Variants in XYLT1 observed in about 807,000 individuals in gnomAD.
XYLT1 encodes xylosyltransferase 1.
In XYLT1, 36 loss-of-function variants were observed where a neutral mutation model predicts 91.3. That is an observed-to-expected ratio of 0.39 (90% CI 0.30 to 0.52). XYLT1 has a LOEUF of 0.52. Ranked by LOEUF, XYLT1 falls within the 20% of genes least tolerant of loss-of-function variation. The pLI is 0.68. For synonymous variants in XYLT1, 588 were observed against 532.0 expected, an observed-to-expected ratio of 1.11 and a Z score of -1.45; for missense variants, 1,242 against 1,284.5, an observed-to-expected ratio of 0.97 and a Z score of 0.51.
intron 3 of XYLT1, among the ~76,000 whole-genome samples, chr16:17,239,314 T>TCATC (rs10649071): frequency 0.41 from 52,657 of 128,630 alleles, 11,623 homozygotes; most frequent in South Asian, 0.46. Context: ...TCCAGTCCAT[T>TCATC]CATCCATCCA....
intron 11 of XYLT1, among the ~76,000 whole-genome samples, chr16:17,112,092 G>A (rs376741427): frequency 2.0e-5 from 3 of 152,128 alleles, no homozygotes; most frequent in Non-Finnish European, 2.9e-5. Context: ...ACAAACCTGC[G>A]AACGCTGGGA....
intron 8 of XYLT1, among the ~76,000 whole-genome samples, chr16:17,135,195 C>G (rs1269746863): frequency 2.0e-5 from 3 of 152,102 alleles, no homozygotes; most frequent in Non-Finnish European, 2.9e-5. Context: ...TCTGGCAACC[C>G]CAGGCCCACA....
intron 11 of XYLT1, among the ~76,000 whole-genome samples, chr16:17,113,482 C>T (rs1296041553): frequency 6.6e-6 from 1 of 152,184 alleles, no homozygotes. Flanking sequence ...GCTCAGAACT[C>T]CTGTAACCCT....
intron 1 of XYLT1, among the ~76,000 whole-genome samples, chr16:17,387,454 A>G (rs968338825): frequency 6.6e-6 from 1 of 152,198 alleles, no homozygotes; most frequent in African/African-American, 2.4e-5. Context: ...ACATCTGTGA[A>G]GCACTCCCAG....
At chr16:17,113,353 G>C (rs746452519) in intron 11 of XYLT1, among the ~76,000 whole-genome samples, 2 of 151,880 alleles carry the variant, frequency 1.3e-5, no homozygotes, top group Non-Finnish European at 2.9e-5. Context: ...ACATTGGCCA[G>C]GCTGGTCTTG....
chr16:17,127,883 C>T (rs780303114), intron 9 of XYLT1, 22 bp from the exon 10 acceptor site: 4 of 1,607,970 alleles, frequency 2.5e-6, no homozygotes. Flanking sequence ...GGCGCTCATG[C>T]ATTAGGGCCC....
At position 17,258,991 on chromosome 16, in the gene XYLT1, CGAGGGG is replaced by C; in HGVS notation, c.904_909del (p.Pro302_Leu303del). The C allele has an allele frequency of 6.7e-7, 1 of 1,497,924 alleles. No individual in the cohort carries two copies. Among genetic ancestry groups the C allele is most frequent in the South Asian group, 1.4e-5 (1 of 70,562 alleles). 92.8% of individuals were successfully genotyped at this position (1,497,924 alleles called of 1,614,324 possible). Reference sequence around the variant, plus strand: ...AGCCAGCGGGGTTGGAACTTACCCTCGAGGGGGCAGAACCGAGTCACCTTCTCAGGC... The same window carrying C: ...AGCCAGCGGGGTTGGAACTTACCCTCGCAGAACCGAGTCACCTTCTCAGGC... On this transcript the variant is annotated inframe_deletion, in exon 3 of 12. Coordinates refer to ENST00000261381, the MANE Select transcript of XYLT1 (RefSeq NM_022166.4).
intron 1 of XYLT1, among the ~76,000 whole-genome samples, chr16:17,390,532 G>A (rs763821664): frequency 2.4e-4 from 36 of 152,132 alleles, no homozygotes. Flanking sequence ...TTGCAAAAAC[G>A]GTAACAGTGA....
chr16:17,359,159 T>C (rs2035347075), intron 1 of XYLT1, among the ~76,000 whole-genome samples: 1 of 152,334 alleles, frequency 6.6e-6, no homozygotes, highest in South Asian at 2.1e-4. Context: ...CTTAATCATC[T>C]TGGATTTATA....
At chr16:17,270,048 C>T (rs1320460360) in intron 2 of XYLT1, among the ~76,000 whole-genome samples, 2 of 152,050 alleles carry the variant, frequency 1.3e-5, no homozygotes, top group African/African-American at 4.8e-5. Context: ...CTCCTGACCT[C>T]GTGATCCACC....
intron 2 of XYLT1, among the ~76,000 whole-genome samples, chr16:17,319,385 G>A (rs1439934530): frequency 6.6e-6 from 1 of 151,970 alleles, no homozygotes; most frequent in African/African-American, 2.4e-5. Context: ...CCCAAATTCC[G>A]CATCAGAACA....
At chr16:17,419,344 A>G (rs1371519348) in intron 1 of XYLT1, among the ~76,000 whole-genome samples, 2 of 152,048 alleles carry the variant, frequency 1.3e-5, no homozygotes, top group Admixed American at 6.5e-5. Context: ...CCTGTCTCAA[A>G]AACAAAAACA....
chr16:17,464,757 G>C (rs551530583), intron 1 of XYLT1, among the ~76,000 whole-genome samples: 11 of 152,068 alleles, frequency 7.2e-5, no homozygotes, highest in African/African-American at 1.9e-4. Flanking sequence ...TGCATCATGA[G>C]TTAGGGGTCT....
chr16:17,170,655 T>A (rs997164681), intron 5 of XYLT1, among the ~76,000 whole-genome samples: 2 of 152,224 alleles, frequency 1.3e-5, no homozygotes, highest in South Asian at 4.1e-4. Flanking sequence ...CACTGAACTG[T>A]ACTGACACGC....
chr16:17,145,452 GAGA>G (rs1160153951), intron 6 of XYLT1, among the ~76,000 whole-genome samples: 1 of 152,212 alleles, frequency 6.6e-6, no homozygotes, highest in Non-Finnish European at 1.5e-5. Context: ...TGGAGTTAGT[GAGA>G]AGGAGGGGCT....
intron 2 of XYLT1, among the ~76,000 whole-genome samples, chr16:17,353,526 T>G (rs1286479216): frequency 6.6e-6 from 1 of 152,200 alleles, no homozygotes; most frequent in African/African-American, 2.4e-5. Context: ...TGTTTTGCTT[T>G]TGTTCTTTTA....
chr16:17,351,726 A>C, intron 2 of XYLT1, among the ~76,000 whole-genome samples: 1 of 139,506 alleles, frequency 7.2e-6, no homozygotes, highest in African/African-American at 2.9e-5. Flanking sequence ...CCTTGCCACT[A>C]CTGACATTTG....
chr16:17,106,679 C>T lies in XYLT1; in HGVS notation c.*2016G>A, dbSNP rs918725039. 6.6e-6 allele frequency: 1 copy of T among 152,184 alleles called. No homozygotes were observed. Among genetic ancestry groups the T allele is most frequent in the Non-Finnish European group, 1.5e-5 (1 of 68,062 alleles). 9.4% of individuals were successfully genotyped at this position (152,184 alleles called of 1,614,324 possible). On this transcript the variant is annotated 3_prime_UTR_variant, in exon 12 of 12. Transcript: ENST00000261381. ...CAAACTCTCTGCAGCTAGCACATTC[C>T]CCACTCACCCTCCACGTTTTCTGCC...
intron 6 of XYLT1, among the ~76,000 whole-genome samples, chr16:17,148,880 T>C (rs2031207810): frequency 1.3e-5 from 2 of 152,248 alleles, no homozygotes; most frequent in Admixed American, 1.3e-4. Flanking sequence ...TGGAAGAATC[T>C]TTCTGCCAGA....
Sources: allele counts gnomAD v4.1 joint callset (sites outside exome capture counted in the v4.1 genomes callset), GRCh38; gene constraint gnomAD v4.1.1; transcripts MANE v1.5; gene names NCBI Gene and HGNC (gene_info 2026-07-23, HGNC 2026-07-21).